IVD: variants seen among roughly 807,000 people sequenced by gnomAD.
The protein encoded by IVD is isovaleryl-CoA dehydrogenase, mitochondrial.
Under a neutral mutation model 51.3 loss-of-function variants are expected in IVD, and 31 were observed. That is an observed-to-expected ratio of 0.60 (90% CI 0.45 to 0.81). IVD has a LOEUF of 0.81. IVD is among the 40% of genes least tolerant of loss of function. The probability of loss-of-function intolerance (pLI) is 0.00; values close to 1 mark genes in which losing one functional copy is unlikely to be tolerated. For synonymous variants in IVD, 205 were observed against 219.4 expected (o/e 0.93, Z 0.58); for missense variants, 475 against 552.0 (o/e 0.86, Z 1.40).
At chr15:40,430,596 G>A (rs1892917769) in intron 7 of IVD, among the ~76,000 whole-genome samples, 1 of 152,178 alleles carries the variant, frequency 6.6e-6, no homozygotes, top group African/African-American at 2.4e-5. Flanking sequence ...TCACAGAGGT[G>A]GGAGGAGATT....
In IVD at chr15:40,414,907, A is replaced by G. The variant is rs201778625; in HGVS notation, c.803A>G (p.His268Arg). The part of the protein sequence containing the change: ...CKIPAANILG[H>R]ENKGVYVLMS... ...CTGGCAGCTGCCAACATCCTGGGCC[A>G]TGAGAATAAGGGTGTCTACGTGCTG... is the stretch of plus-strand genomic sequence containing the variant. Residue 268 changes from histidine to arginine, a missense_variant, in exon 8 of 12, where the codon CAT (histidine) becomes CGT (arginine). By Grantham distance (29) the His-to-Arg change is conservative. Coordinates refer to ENST00000487418, the MANE Select transcript of IVD (RefSeq NM_002225.5). 43 of 1,614,012 alleles carry G rather than the reference A, an allele frequency of 2.7e-5. No homozygotes were observed. Among genetic ancestry groups the G allele is most frequent in the Non-Finnish European group, 3.1e-5 (37 of 1,180,004 alleles).
chr15:40,433,762 A>G (rs1459699202), intron 7 of IVD: 1 of 431,216 alleles, frequency 2.3e-6, no homozygotes, highest in East Asian at 7.2e-5. Context: ...TTAGGCAACT[A>G]CTATTTGCCA....
At chr15:40,429,545 C>A (rs1329473240) in intron 7 of IVD, among the ~76,000 whole-genome samples, 2 of 152,250 alleles carry the variant, frequency 1.3e-5, no homozygotes, top group African/African-American at 4.8e-5. Flanking sequence ...ATCCCCAGCA[C>A]TTTGCACTTG....
chr15:40,418,074 GCTTT>G (rs966176669), intron 11 of IVD, 52 bp from the exon 12 acceptor site: 47 of 1,609,584 alleles, frequency 2.9e-5, no homozygotes, highest in Non-Finnish European at 3.9e-5. Context: ...CATTCTGTTT[GCTTT>G]CTTTGTTTTG....
At chr15:40,424,678 T>C (rs1892562087), downstream of IVD, among the ~76,000 whole-genome samples, 1 of 152,210 alleles carries the variant, frequency 6.6e-6, no homozygotes, top group Non-Finnish European at 1.5e-5. Flanking sequence ...TGGCATGTAA[T>C]AGGTGCACAA....
At chr15:40,406,990 G>A (rs1275821951) in intron 1 of IVD, among the ~76,000 whole-genome samples, 3 of 151,666 alleles carry the variant, frequency 2.0e-5, no homozygotes, top group Non-Finnish European at 4.4e-5. Flanking sequence ...CAGCCTCCCA[G>A]GTAGCTGGGA....
In IVD at chr15:40,411,349, G is replaced by C. The variant is rs765156604; in HGVS notation, c.546G>C (p.Lys182Asn). The stretch of plus-strand genomic sequence containing the variant: ...TCTCTATGAAGCTCAAAGCGGAAAA[G>C]AAAGGTGAGGCCACTCTCAACTTGG... ...DVVSMKLKAE[K>N]KGNHYILNGN... The change falls in exon 5 of 12, where the codon AAG becomes AAC. Residue 182 changes from lysine (K) to asparagine (N), a missense_variant. By Grantham distance (94) the Lys-to-Asn change is moderately conservative. Coordinates refer to ENST00000487418, the MANE Select transcript of IVD (RefSeq NM_002225.5). 2 of 1,614,166 alleles carry C rather than the reference G, an allele frequency of 1.2e-6. No individual in the cohort carries two copies. The highest frequency in any genetic ancestry group is 1.7e-6 in the Non-Finnish European group (2 of 1,180,022).
At chr15:40,434,128 C>G (rs1419077404) in intron 8 of IVD, among the ~76,000 whole-genome samples, 2 of 152,176 alleles carry the variant, frequency 1.3e-5, no homozygotes, top group African/African-American at 4.8e-5. Context: ...GCATGCCTAC[C>G]CCATACAGAC....
chr15:40,430,730 C>CCTTT (rs35731072), intron 7 of IVD, among the ~76,000 whole-genome samples: 126,590 of 151,746 alleles, frequency 0.83, 53,522 homozygotes, highest in East Asian at 1. Flanking sequence ...ACTGCCAGTG[C>CCTTT]ACCCCACAGT....
In IVD at chr15:40,420,449, C is replaced by T; in HGVS notation, c.*2186C>T. 1.0e-6 allele frequency: 1 copy of T among 987,636 alleles called. No homozygotes were observed. The allele number at this position is 987,636 out of a possible 1,614,324, so 61.2% of individuals were successfully genotyped here. A position where few individuals can be genotyped will look rare whatever the true frequency, so the allele number is the denominator to read the frequency against. On this transcript the variant is annotated 3_prime_UTR_variant, in exon 12 of 12. Transcript: ENST00000487418. The stretch of plus-strand genomic sequence containing the variant: ...GTATTAAATATATTGTGAAACAAAC[C>T]TATCTGGGGAGAAGCAATCTACTTG...
chr15:40,423,035 C>T (rs2141402712), downstream of IVD, among the ~76,000 whole-genome samples: 3 of 152,068 alleles, frequency 2.0e-5, no homozygotes, highest in East Asian at 5.9e-4. Flanking sequence ...GGCCTCAGTC[C>T]TCCCCCTTGC....
Position 40,420,865 on chromosome 15 carries a change from T to TG in IVD, c.*2605dup. 7.1e-6 allele frequency: 7 copies of TG among 985,498 alleles called. No homozygotes were observed. The highest frequency in any genetic ancestry group is 8.4e-6 in the Non-Finnish European group (7 of 829,966). The allele number at this position is 985,498 out of a possible 1,614,324, so 61.0% of individuals were successfully genotyped here. On this transcript the variant is annotated 3_prime_UTR_variant, in exon 12 of 12. Transcript: ENST00000487418. ...GATAGAGTGTGATCTGAGAAGGGAA[T>TG]GGGTCTGGGTTGTTCCACCCCTTCC...
chr15:40,423,697 T>A (rs950969337), downstream of IVD, among the ~76,000 whole-genome samples: 1 of 152,094 alleles, frequency 6.6e-6, no homozygotes, highest in African/African-American at 2.4e-5. Context: ...CTTGACCTCA[T>A]GATCTGCCCA....
At chr15:40,413,560 C>T (rs1263941718) in intron 7 of IVD, among the ~76,000 whole-genome samples, 1 of 152,138 alleles carries the variant, frequency 6.6e-6, no homozygotes, top group Admixed American at 6.6e-5. Context: ...TGAGTATTTT[C>T]TCCCCTGAGG....
In IVD at chr15:40,418,953, G is replaced by A. The variant is rs1892010553; in HGVS notation, c.*690G>A. 10 of 467,134 alleles carry A rather than the reference G, an allele frequency of 2.1e-5. No individual in the cohort carries two copies. The highest frequency in any genetic ancestry group is 8.6e-5 in the South Asian group (4 of 46,370). The allele number at this position is 467,134 out of a possible 1,614,324, so 28.9% of individuals were successfully genotyped here. A position where few individuals can be genotyped will look rare whatever the true frequency, so the allele number is the denominator to read the frequency against. On this transcript the variant is annotated 3_prime_UTR_variant, in exon 12 of 12. Transcript: ENST00000487418. The stretch of plus-strand genomic sequence containing the variant: ...TTCAAGACCAGCCTGGCCAACATGT[G>A]GAAACCTCGCCTCAACTAAAAATAG...
intron 2 of IVD, 24 bp downstream of exon 2, chr15:40,407,749 CG>C: frequency 1.2e-6 from 2 of 1,601,354 alleles, no homozygotes; most frequent in South Asian, 1.1e-5. Context: ...TCCGGGCAGT[CG>C]GGGGCAGTCA....
Position 40,410,935 on chromosome 15 carries a change from A to AT in IVD, c.456+139dup, listed in dbSNP as rs1167792408. 3 of 1,072,454 alleles carry AT rather than the reference A, an allele frequency of 2.8e-6. No homozygotes were observed. In the African/African-American group the frequency reaches 4.7e-5, roughly 17 times the overall value. The allele number at this position is 1,072,454 out of a possible 1,614,324, so 66.4% of individuals were successfully genotyped here. On this transcript the variant is annotated intron_variant, in intron 4 of 11. Coordinates refer to ENST00000487418, the MANE Select transcript of IVD (RefSeq NM_002225.5). ...AACCAAATGTGGTTAGGAAGGGGCC[A>AT]TGGATTGCTTTAAAATACTTGAGCC...
chr15:40,430,551 G>A (rs1275560552), intron 7 of IVD, among the ~76,000 whole-genome samples: 1 of 152,196 alleles, frequency 6.6e-6, no homozygotes, highest in Non-Finnish European at 1.5e-5. Context: ...CTCTGACTGG[G>A]GCAGAGTGGA....
At chr15:40,415,312 G>A in intron 8 of IVD, 89 bp from the exon 9 acceptor site, 1 of 1,159,830 alleles carries the variant, frequency 8.6e-7, no homozygotes, top group Non-Finnish European at 1.3e-6. Flanking sequence ...CTCCTCCCTG[G>A]GATTCTGGCC....
Sources: gnomAD v4.1 joint callset for allele counts (sites outside exome capture counted in the v4.1 genomes callset) on GRCh38, gnomAD v4.1.1 for gene constraint, MANE v1.5 for transcripts, NCBI Gene and HGNC (gene_info 2026-07-23, HGNC 2026-07-21) for gene names.